MSH4: variants seen among roughly 807,000 people sequenced by gnomAD.
MSH4 encodes the protein mutS homolog 4.
Under a neutral mutation model 113.7 loss-of-function variants are expected in MSH4, and 106 were observed. The observed-to-expected ratio is 0.93, with a 90% CI of 0.80 to 1.10. The LOEUF (loss-of-function observed/expected upper bound fraction) is 1.10. Among genes scored for constraint, MSH4 ranks in the 50% least tolerant of loss-of-function variants. The pLI, the probability that MSH4 is intolerant of heterozygous loss-of-function variation, is 0.00. For synonymous variants in MSH4, 368 were observed against 380.2 expected (o/e 0.97, Z 0.37); for missense variants, 1,061 against 1,093.7 (o/e 0.97, Z 0.42).
intron 2 of MSH4, among the ~76,000 whole-genome samples, chr1:75,804,884 A>C (rs1650023624): frequency 6.6e-6 from 1 of 151,988 alleles, no homozygotes; most frequent in Non-Finnish European, 1.5e-5. Flanking sequence ...GCTGGAATGC[A>C]GTGGCACAAC....
At chr1:75,902,354 C>T (rs1652523345) in intron 19 of MSH4, among the ~76,000 whole-genome samples, 1 of 151,878 alleles carries the variant, frequency 6.6e-6, no homozygotes, top group Admixed American at 6.6e-5. Context: ...ACCCTTGCCA[C>T]CTCCTACCTT....
intron 7 of MSH4, among the ~76,000 whole-genome samples, chr1:75,845,706 G>A (rs529284793): frequency 6.6e-6 from 1 of 152,168 alleles, no homozygotes; most frequent in African/African-American, 2.4e-5. Flanking sequence ...ATAGTTCTGT[G>A]GTCTCAGGGT....
intron 7 of MSH4, among the ~76,000 whole-genome samples, chr1:75,839,208 T>C (rs1650897042): frequency 6.6e-6 from 1 of 152,128 alleles, no homozygotes. Flanking sequence ...CTCTGTTTTC[T>C]ATATCTTTTT....
chr1:75,881,118 T>A, intron 13 of MSH4, 128 bp from the exon 14 acceptor site: 1 of 682,644 alleles, frequency 1.5e-6, no homozygotes, highest in Non-Finnish European at 2.3e-6. Context: ...ATAGGCTTTA[T>A]CTATAGTGTA....
chr1:75,804,499 C>CTTTTTTT (rs5775308), intron 2 of MSH4, among the ~76,000 whole-genome samples: 3 of 123,290 alleles, frequency 2.4e-5, no homozygotes, highest in Admixed American at 8.5e-5. Flanking sequence ...TATGACCTTC[C>CTTTTTTT]TTTTTTTTTT....
intron 7 of MSH4, among the ~76,000 whole-genome samples, chr1:75,834,782 G>A (rs1650792011): frequency 6.6e-6 from 1 of 152,182 alleles, no homozygotes; most frequent in Non-Finnish European, 1.5e-5. Flanking sequence ...CTGTCGTGGG[G>A]TCAGGGGATG....
chr1:75,816,274 T>A (rs951730527), intron 5 of MSH4, 99 bp from the exon 6 acceptor site: 1 of 767,088 alleles, frequency 1.3e-6, no homozygotes, highest in African/African-American at 1.8e-5. Flanking sequence ...CTTTTGAGTT[T>A]AAGCAATGCT....
At chr1:75,884,168 A>G (rs1202195129) in intron 15 of MSH4, among the ~76,000 whole-genome samples, 2 of 152,152 alleles carry the variant, frequency 1.3e-5, no homozygotes, top group Non-Finnish European at 2.9e-5. Context: ...AAGTGAAATG[A>G]GTAGGTTAAG....
intron 8 of MSH4, among the ~76,000 whole-genome samples, chr1:75,857,472 T>C (rs1338354325): frequency 6.6e-6 from 1 of 152,194 alleles, no homozygotes; most frequent in Non-Finnish European, 1.5e-5. Flanking sequence ...GTATAAGGTG[T>C]AACGAAGGGG....
chr1:75,846,666 A>T (rs1651083780), intron 7 of MSH4, among the ~76,000 whole-genome samples: 1 of 152,184 alleles, frequency 6.6e-6, no homozygotes, highest in African/African-American at 2.4e-5. Flanking sequence ...TCTGATCATG[A>T]CCACTTAAGT....
At chr1:75,821,036 A>C (rs112944335) in intron 6 of MSH4, among the ~76,000 whole-genome samples, 8,812 of 152,028 alleles carry the variant, frequency 0.058, 463 homozygotes, top group African/African-American at 0.14. Flanking sequence ...AACTGAACTC[A>C]GCTCTGCACC....
chr1:75,887,789 A>G (rs1652159021), intron 15 of MSH4, among the ~76,000 whole-genome samples: 1 of 152,020 alleles, frequency 6.6e-6, no homozygotes, highest in African/African-American at 2.4e-5. Context: ...TTTCTTGGAA[A>G]TGGACAGTTT....
intron 7 of MSH4, among the ~76,000 whole-genome samples, chr1:75,829,720 G>A (rs1232581456): frequency 1.3e-5 from 2 of 152,162 alleles, no homozygotes; most frequent in East Asian, 1.9e-4. Context: ...CTGCAGCTGA[G>A]GGTCCTGACT....
At chr1:75,838,426 A>G (rs1488566524) in intron 7 of MSH4, among the ~76,000 whole-genome samples, 3 of 152,172 alleles carry the variant, frequency 2.0e-5, no homozygotes, top group Admixed American at 6.5e-5. Context: ...AAGACCCTTA[A>G]TTTAATCCCA....
intron 17 of MSH4, among the ~76,000 whole-genome samples, chr1:75,894,146 A>G (rs1337067590): frequency 1.3e-5 from 2 of 152,204 alleles, no homozygotes; most frequent in East Asian, 1.9e-4. Flanking sequence ...ACGGCCCACC[A>G]TAAGGCCTTT....
chr1:75,798,904 C>T (rs1277697191), intron 1 of MSH4, among the ~76,000 whole-genome samples: 1 of 152,090 alleles, frequency 6.6e-6, no homozygotes, highest in Non-Finnish European at 1.5e-5. Flanking sequence ...ACTTACTGTA[C>T]CACCAGAGTT....
chr1:75,824,659 G>A (rs1235157137), intron 7 of MSH4, among the ~76,000 whole-genome samples: 2 of 152,154 alleles, frequency 1.3e-5, no homozygotes, highest in Non-Finnish European at 2.9e-5. Flanking sequence ...TAAGGTGTAA[G>A]GAAGGGATCC....
At chr1:75,870,977 C>T (rs1651700954) in intron 9 of MSH4, among the ~76,000 whole-genome samples, 2 of 152,062 alleles carry the variant, frequency 1.3e-5, no homozygotes, top group South Asian at 2.1e-4. Flanking sequence ...TAACAAATGA[C>T]AGTTTATTAG....
intron 9 of MSH4, among the ~76,000 whole-genome samples, chr1:75,870,773 A>T (rs1443258752): frequency 6.6e-6 from 1 of 152,208 alleles, no homozygotes; most frequent in Non-Finnish European, 1.5e-5. Context: ...CTTTCTTAGC[A>T]GCATGAGAAA....
Sources: allele counts gnomAD v4.1 joint callset (sites outside exome capture counted in the v4.1 genomes callset), GRCh38; gene constraint gnomAD v4.1.1; transcripts MANE v1.5; gene names NCBI Gene and HGNC (gene_info 2026-07-23, HGNC 2026-07-21).